The following SH3RF1 variants were observed in gnomAD, a reference collection of about 807,000 sequenced individuals.
SH3RF1 encodes E3 ubiquitin-protein ligase SH3RF1.
A neutral mutation model predicts 74.0 loss-of-function variants in SH3RF1; 32 were observed. The observed-to-expected ratio is 0.43, with a 90% CI of 0.33 to 0.58. The LOEUF (loss-of-function observed/expected upper bound fraction) is 0.58, where lower values mean the gene tolerates loss of function less well. SH3RF1 is among the 20% of genes least tolerant of loss of function. SH3RF1 has a pLI of 0.05. For synonymous variants in SH3RF1, 396 were observed against 439.6 expected, an observed-to-expected ratio of 0.90 and a Z score of 1.24; for missense variants, 954 against 1,130.9, an observed-to-expected ratio of 0.84 and a Z score of 2.24.
At chr4:169,149,572 C>A (rs184826227) in intron 4 of SH3RF1, among the ~76,000 whole-genome samples, 1 of 152,200 alleles carries the variant, frequency 6.6e-6, no homozygotes, top group African/African-American at 2.4e-5. Context: ...GACTTCTCAA[C>A]AATGTCTTTA....
chr4:169,163,400 T>C (rs1159633148), intron 2 of SH3RF1, among the ~76,000 whole-genome samples: 1 of 152,124 alleles, frequency 6.6e-6, no homozygotes, highest in Admixed American at 6.5e-5. Context: ...CAGGAGAACC[T>C]GAGGCAGCAC....
chr4:169,221,863 A>C (rs560007422), intron 2 of SH3RF1, among the ~76,000 whole-genome samples: 1 of 152,232 alleles, frequency 6.6e-6, no homozygotes, highest in Non-Finnish European at 1.5e-5. Context: ...TACACAGTAC[A>C]AACAGTGAAC....
At chr4:169,107,465 C>T (rs1480937840) in intron 10 of SH3RF1, among the ~76,000 whole-genome samples, 1 of 152,130 alleles carries the variant, frequency 6.6e-6, no homozygotes, top group African/African-American at 2.4e-5. Flanking sequence ...CTCCTTCTCC[C>T]TTTCTGCTAT....
chr4:169,116,321 G>C lies in SH3RF1; in HGVS notation c.2087C>G (p.Ala696Gly). Residue 696 changes from alanine to glycine, a missense_variant, in exon 10 of 12, where the codon GCT becomes GGT. Physicochemically the swap from Ala to Gly is moderately conservative, Grantham distance 60 (BLOSUM62 0). Around this residue, in one of 3 missense-constraint regions of SH3RF1, gnomAD observed 854 missense variants for 962.5 expected, o/e 0.89. Transcript: ENST00000284637. ...TGAACTGTTCCCACAAGCTGATGAAGCACTGTCAGGAGATGTGGGGAGTCC... is the reference window on the plus strand; with the variant it reads ...TGAACTGTTCCCACAAGCTGATGAACCACTGTCAGGAGATGTGGGGAGTCC... The part of the protein sequence containing the change: ...LPGLPTSPDS[A>G]SSACGNSSAT... 6.2e-7 allele frequency: 1 copy of C among 1,613,996 alleles called. No individual in the cohort carries two copies. The highest frequency in any genetic ancestry group is 8.5e-7 in the Non-Finnish European group (1 of 1,179,900).
chr4:169,246,805 T>C (rs987896877), intron 2 of SH3RF1, among the ~76,000 whole-genome samples: 8 of 152,254 alleles, frequency 5.3e-5, no homozygotes, highest in African/African-American at 1.9e-4. Context: ...CTAGCAATTA[T>C]TTCATTCTGA....
intron 2 of SH3RF1, among the ~76,000 whole-genome samples, chr4:169,266,459 T>C (rs1015647395): frequency 3.3e-5 from 5 of 152,202 alleles, no homozygotes; most frequent in Admixed American, 6.5e-5. Context: ...TCCATGTGGC[T>C]TCATGTTACA....
At chr4:169,255,849 C>T (rs1731184521) in intron 2 of SH3RF1, among the ~76,000 whole-genome samples, 1 of 151,868 alleles carries the variant, frequency 6.6e-6, no homozygotes, top group Non-Finnish European at 1.5e-5. Context: ...CTCACTGCAG[C>T]CTCGACCTCC....
intron 2 of SH3RF1, among the ~76,000 whole-genome samples, chr4:169,167,648 T>C (rs978203849): frequency 1.3e-5 from 2 of 152,144 alleles, no homozygotes; most frequent in African/African-American, 4.8e-5. Context: ...ATTTATAAAA[T>C]ATTCAAAAAC....
intron 8 of SH3RF1, among the ~76,000 whole-genome samples, chr4:169,119,571 C>A (rs1733403801): frequency 6.6e-6 from 1 of 151,520 alleles, no homozygotes; most frequent in African/African-American, 2.4e-5. Flanking sequence ...TATTTTGCAC[C>A]AGGGAGGTTC....
chr4:169,198,416 A>C (rs1734855664), intron 2 of SH3RF1, among the ~76,000 whole-genome samples: 1 of 151,926 alleles, frequency 6.6e-6, no homozygotes, highest in Non-Finnish European at 1.5e-5. Flanking sequence ...AGGACTAGTC[A>C]ATATAAATGT....
chr4:169,209,790 C>T (rs957637987), intron 2 of SH3RF1, among the ~76,000 whole-genome samples: 1 of 151,960 alleles, frequency 6.6e-6, no homozygotes, highest in South Asian at 2.1e-4. Context: ...TTTCTTCATG[C>T]CCTTTCTTTT....
intron 11 of SH3RF1, among the ~76,000 whole-genome samples, chr4:169,103,086 A>ATTT (rs60740517): frequency 2.3e-5 from 2 of 87,074 alleles, no homozygotes; most frequent in African/African-American, 4.5e-5. Flanking sequence ...GCGCCTGGCT[A>ATTT]TTTTTTTTTT....
Position 169,107,101 on chromosome 4 carries a change from A to G in SH3RF1, c.2244T>C (p.Ser748=). The G allele has an allele frequency of 6.2e-7, 1 of 1,613,984 alleles. No homozygotes were observed. The highest frequency in any genetic ancestry group is 8.5e-7 in the Non-Finnish European group (1 of 1,179,968). Residue 748 remains serine, a synonymous_variant, in exon 11 of 12, where the codon AGT becomes AGC. Transcript: ENST00000284637. The part of the protein sequence containing the change: ...ASPTLEVELG[S]AELPLQGAVG... ...CCGCTCCCTGGAGAGGAAGCTCTGCACTGCCCAGCTCCACTTCTAGGGTGG... is the reference window on the plus strand; with the variant it reads ...CCGCTCCCTGGAGAGGAAGCTCTGCGCTGCCCAGCTCCACTTCTAGGGTGG...
intron 2 of SH3RF1, chr4:169,220,468 T>G (rs1310964786): frequency 1.3e-5 from 2 of 152,274 alleles, no homozygotes; most frequent in East Asian, 1.9e-4. Context: ...TTCCTTTTTC[T>G]AGTACATTTA....
intron 2 of SH3RF1, among the ~76,000 whole-genome samples, chr4:169,247,543 T>G (rs76282203): frequency 0.029 from 4,359 of 152,216 alleles, 215 homozygotes; most frequent in African/African-American, 0.1. Flanking sequence ...GGAATCTAGA[T>G]AGGTGAACAA....
intron 2 of SH3RF1, chr4:169,217,077 C>T (rs918960400): frequency 1.3e-5 from 2 of 148,722 alleles, no homozygotes; most frequent in Admixed American, 6.8e-5. Context: ...GTGAGAAGAT[C>T]GCTTGAGCCC....
chr4:169,172,950 T>C (rs1482074399), intron 2 of SH3RF1, among the ~76,000 whole-genome samples: 1 of 152,220 alleles, frequency 6.6e-6, no homozygotes, highest in Non-Finnish European at 1.5e-5. Flanking sequence ...TGAGGTTATG[T>C]ATTTTCTATC....
At chr4:169,252,130 C>T (rs982819014) in intron 2 of SH3RF1, among the ~76,000 whole-genome samples, 1 of 152,166 alleles carries the variant, frequency 6.6e-6, no homozygotes, top group African/African-American at 2.4e-5. Context: ...TTAAGAGGGC[C>T]TGCGTTTTCA....
At chr4:169,239,600 A>G (rs1310317495) in intron 2 of SH3RF1, among the ~76,000 whole-genome samples, 1 of 152,266 alleles carries the variant, frequency 6.6e-6, no homozygotes, top group Non-Finnish European at 1.5e-5. Flanking sequence ...TTCTACCTTT[A>G]GCAATGGTTA....
Sources: gnomAD v4.1 joint callset for allele counts (sites outside exome capture counted in the v4.1 genomes callset) on GRCh38, gnomAD v4.1.1 for gene constraint, gnomAD v4.1.1 regional missense constraint, MANE v1.5 for transcripts, NCBI Gene and HGNC (gene_info 2026-07-23, HGNC 2026-07-21) for gene names.